The following KAT6B variants were observed in gnomAD, a reference collection of about 807,000 sequenced individuals.
KAT6B encodes histone acetyltransferase KAT6B.
KAT6B carries 10 observed loss-of-function variants against 187.5 expected under a neutral mutation model. The observed-to-expected ratio is 0.05, with a 90% CI of 0.03 to 0.09. The LOEUF is 0.09. Among genes scored for constraint, KAT6B ranks in the 10% least tolerant of loss-of-function variants. The pLI, the probability that KAT6B is intolerant of heterozygous loss-of-function variation, is 1.00. For missense variants in KAT6B, 1,952 were observed against 2,558.9 expected (o/e 0.76, Z 5.12); for synonymous variants, 861 against 926.8 (o/e 0.93, Z 1.29).
chr10:74,832,241 G>A (rs1165643394), intron 1 of KAT6B, among the ~76,000 whole-genome samples: 3 of 152,164 alleles, frequency 2.0e-5, no homozygotes, highest in African/African-American at 7.2e-5. Context: ...AGGGTATCTG[G>A]ATATCTGGTC....
At chr10:74,940,521 G>A (rs370390720) in intron 3 of KAT6B, among the ~76,000 whole-genome samples, 8 of 150,920 alleles carry the variant, frequency 5.3e-5, no homozygotes, top group South Asian at 2.1e-4. Context: ...TGATTCGCCC[G>A]CCTCAGCCTC....
chr10:74,842,724 G>T lies in KAT6B; in HGVS notation c.-134G>T, dbSNP rs1030177290. The T allele has an allele frequency of 8.4e-6, 8 of 953,056 alleles. No homozygotes were observed. The highest frequency in any genetic ancestry group is 3.2e-5 in the African/African-American group (2 of 61,782). 59.0% of individuals were successfully genotyped at this position (953,056 alleles called of 1,614,324 possible). A position where few individuals can be genotyped will look rare whatever the true frequency, so the allele number is the denominator to read the frequency against. On this transcript the variant is annotated 5_prime_UTR_variant, in exon 3 of 18. Coordinates refer to ENST00000287239, the MANE Select transcript of KAT6B (RefSeq NM_012330.4). Reference sequence around the variant, plus strand: ...ATCTCTTAAGGATGGATGTTTGTAAGATGTTGCTTAATACAGTCTGGAATA... The same window carrying T: ...ATCTCTTAAGGATGGATGTTTGTAATATGTTGCTTAATACAGTCTGGAATA...
chr10:74,984,681 A>G (rs968823614), intron 11 of KAT6B: 1 of 196,074 alleles, frequency 5.1e-6, no homozygotes, highest in Non-Finnish European at 1.1e-5. Context: ...AAACAACATA[A>G]AGTTTAACTT....
intron 3 of KAT6B, among the ~76,000 whole-genome samples, chr10:74,957,504 C>T (rs1011298181): frequency 6.6e-6 from 1 of 152,126 alleles, no homozygotes; most frequent in African/African-American, 2.4e-5. Flanking sequence ...TAGTTAAAAA[C>T]GAAAAATGAG....
intron 3 of KAT6B, among the ~76,000 whole-genome samples, chr10:74,937,972 A>C (rs1298183262): frequency 6.6e-6 from 1 of 152,124 alleles, no homozygotes; most frequent in Non-Finnish European, 1.5e-5. Flanking sequence ...ACATACCCCA[A>C]ACATACCCCA....
chr10:74,886,692 C>G (rs1845301462), intron 3 of KAT6B, among the ~76,000 whole-genome samples: 1 of 152,212 alleles, frequency 6.6e-6, no homozygotes. Context: ...TGTACTTCCA[C>G]CTTACCTGCC....
At chr10:74,938,787 A>ATT (rs1312334243) in intron 3 of KAT6B, among the ~76,000 whole-genome samples, 2 of 152,044 alleles carry the variant, frequency 1.3e-5, no homozygotes, top group Non-Finnish European at 2.9e-5. Flanking sequence ...CACAGGCTGG[A>ATT]GTGCAATGGC....
At chr10:74,828,066 C>A (rs1840405497) in intron 1 of KAT6B, among the ~76,000 whole-genome samples, 1 of 152,082 alleles carries the variant, frequency 6.6e-6, no homozygotes. Context: ...GGACATTTTG[C>A]ATAGCTTTGA....
chr10:74,844,920 TAGAA>T (rs1370882361), intron 3 of KAT6B, among the ~76,000 whole-genome samples: 2 of 152,164 alleles, frequency 1.3e-5, no homozygotes, highest in African/African-American at 4.8e-5. Context: ...TCATTGTTGA[TAGAA>T]AGGTGGTTTT....
At chr10:74,833,181 A>G (rs542955754) in intron 1 of KAT6B, among the ~76,000 whole-genome samples, 65 of 151,790 alleles carry the variant, frequency 4.3e-4, no homozygotes, top group South Asian at 2.3e-3. Context: ...CCCTTAATAC[A>G]TTATTCTCGG....
intron 3 of KAT6B, among the ~76,000 whole-genome samples, chr10:74,875,552 A>G (rs1324530618): frequency 2.1e-5 from 3 of 144,018 alleles, no homozygotes; most frequent in African/African-American, 7.8e-5. Context: ...GGCAACCTCC[A>G]CTTCTTGGGT....
At chr10:74,839,864 C>T (rs1215814651) in intron 2 of KAT6B, among the ~76,000 whole-genome samples, 1 of 152,204 alleles carries the variant, frequency 6.6e-6, no homozygotes, top group Non-Finnish European at 1.5e-5. Context: ...CATTCCTAAA[C>T]ACACTGTGTT....
chr10:74,919,924 G>C (rs1392427846), intron 3 of KAT6B, among the ~76,000 whole-genome samples: 1 of 152,046 alleles, frequency 6.6e-6, no homozygotes, highest in African/African-American at 2.4e-5. Flanking sequence ...ATAGTTCCCT[G>C]TTAAAACCAT....
At chr10:74,859,871 T>C (rs1413373104) in intron 3 of KAT6B, among the ~76,000 whole-genome samples, 1 of 152,168 alleles carries the variant, frequency 6.6e-6, no homozygotes, top group African/African-American at 2.4e-5. Flanking sequence ...TTGATTTCAA[T>C]TTAGCATGGC....
intron 17 of KAT6B, 151 bp from the exon 18 acceptor site, chr10:75,028,338 T>C (rs1846029735): frequency 8.7e-7 from 1 of 1,146,786 alleles, no homozygotes; most frequent in Non-Finnish European, 1.3e-6. Flanking sequence ...TTATTACACA[T>C]TAGCCTTGAT....
chr10:74,849,368 A>G (rs560246004), intron 3 of KAT6B, among the ~76,000 whole-genome samples: 1 of 150,020 alleles, frequency 6.7e-6, no homozygotes, highest in South Asian at 2.1e-4. Context: ...ATCTCAGCTC[A>G]CTGCAACCTC....
At chr10:74,885,734 C>CT (rs149580820) in intron 3 of KAT6B, among the ~76,000 whole-genome samples, 8,039 of 135,486 alleles carry the variant, frequency 0.059, 407 homozygotes, top group South Asian at 0.28. Flanking sequence ...AGGAGAAGTT[C>CT]TTTTTTTTTT....
At chr10:74,831,899 A>G (rs975475249) in intron 1 of KAT6B, among the ~76,000 whole-genome samples, 1 of 152,214 alleles carries the variant, frequency 6.6e-6, no homozygotes, top group South Asian at 2.1e-4. Flanking sequence ...TGGGGACTGG[A>G]TCCCTGACTC....
chr10:74,893,055 G>T (rs978453331), intron 3 of KAT6B, among the ~76,000 whole-genome samples: 1 of 152,244 alleles, frequency 6.6e-6, no homozygotes, highest in African/African-American at 2.4e-5. Context: ...GGCTAGGCCC[G>T]CAGCAGAAAG....
Sources: gnomAD v4.1 joint callset for allele counts (sites outside exome capture counted in the v4.1 genomes callset) on GRCh38, gnomAD v4.1.1 for gene constraint, MANE v1.5 for transcripts, NCBI Gene and HGNC (gene_info 2026-07-23, HGNC 2026-07-21) for gene names.